Variants in PSMC1 observed in about 807,000 individuals in gnomAD.
PSMC1 encodes the protein 26S proteasome regulatory subunit 4.
PSMC1 carries 5 observed loss-of-function variants against 49.8 expected under a neutral mutation model. The ratio of observed to expected loss-of-function variants is 0.10; its 90% CI spans 0.05 to 0.21. The LOEUF (loss-of-function observed/expected upper bound fraction) is 0.21, where lower values mean the gene tolerates loss of function less well. Among genes scored for constraint, PSMC1 ranks in the 10% least tolerant of loss-of-function variants. The pLI, the probability that PSMC1 is intolerant of heterozygous loss-of-function variation, is 1.00. For synonymous variants in PSMC1, 155 were observed against 192.1 expected, an observed-to-expected ratio of 0.81 and a Z score of 1.60; for missense variants, 181 against 535.7, an observed-to-expected ratio of 0.34 and a Z score of 6.54.
chr14:90,263,192 T>A, intron 3 of PSMC1, 126 bp from the exon 4 acceptor site: 1 of 980,446 alleles, frequency 1.0e-6, no homozygotes. Flanking sequence ...TTACTTAGAG[T>A]TACCAAACTG....
At chr14:90,263,629 T>C in intron 4 of PSMC1, 33 bp from the exon 5 acceptor site, 1 of 1,604,780 alleles carries the variant, frequency 6.2e-7, no homozygotes, top group Non-Finnish European at 8.5e-7. Flanking sequence ...TGAGGTCTAG[T>C]CTGCTTTTTT....
intron 7 of PSMC1, among the ~76,000 whole-genome samples, chr14:90,266,643 A>G (rs1035370747): frequency 2.0e-5 from 3 of 152,194 alleles, no homozygotes; most frequent in African/African-American, 7.2e-5. Flanking sequence ...GCTGCGGTAC[A>G]GGGCTGGGAG....
chr14:90,261,155 GTTTTT>G (rs1891389893), intron 3 of PSMC1, among the ~76,000 whole-genome samples: 1 of 152,066 alleles, frequency 6.6e-6, no homozygotes, highest in Non-Finnish European at 1.5e-5. Context: ...CCTGCCTTAT[GTTTTT>G]TTGACTTTTG....
chr14:90,267,254 C>T (rs571878699), intron 7 of PSMC1, among the ~76,000 whole-genome samples: 3 of 151,842 alleles, frequency 2.0e-5, no homozygotes, highest in Non-Finnish European at 4.4e-5. Flanking sequence ...CTTAGCCTCT[C>T]GGGTTCAAGC....
chr14:90,268,039 T>G, intron 7 of PSMC1, 185 bp from the exon 8 acceptor site: 1 of 512,686 alleles, frequency 2.0e-6, no homozygotes, highest in Non-Finnish European at 3.4e-6. Flanking sequence ...TGTTAGTAGA[T>G]TTTTCTAAAT....
rs768485922 is a variant in PSMC1, at chr14:90,272,985, CTA to C, written c.*579_*580del. 3 of 152,170 alleles carry C rather than the reference CTA, an allele frequency of 2.0e-5. No individual in the cohort carries two copies. The highest frequency in any genetic ancestry group is 4.4e-5 in the Non-Finnish European group (3 of 68,032). The allele number at this position is 152,170 out of a possible 1,614,324, so 9.4% of individuals were successfully genotyped here. A position where few individuals can be genotyped will look rare whatever the true frequency, so the allele number is the denominator to read the frequency against. On this transcript the variant is annotated 3_prime_UTR_variant, in exon 11 of 11. Coordinates refer to ENST00000261303, the MANE Select transcript of PSMC1 (RefSeq NM_002802.3). This position sits in a 1 kb window ranked among gnomAD's most constrained non-coding sequence, Gnocchi z 4.5. ...GGTGTTCCCAAGAGACTGAGGATTC[CTA>C]GAGATATCTTGAAAGCCCTTCTGAG...
Position 90,263,856 on chromosome 14 carries a change from A to ATAC in PSMC1, c.465+11_465+12insCTA. On this transcript the variant is annotated intron_variant, in intron 5 of 10. Coordinates refer to ENST00000261303, the MANE Select transcript of PSMC1 (RefSeq NM_002802.3). ...TCCTGCTCAACCACAAGGTGAGGTG[A>ATAC]TAGTCTTTTTCAGAAAGCCCACGGA... is the stretch of plus-strand genomic sequence containing the variant. The ATAC allele has an allele frequency of 6.2e-7, 1 of 1,614,002 alleles. No individual in the cohort carries two copies. Among genetic ancestry groups the ATAC allele is most frequent in the Non-Finnish European group, 8.5e-7 (1 of 1,179,864 alleles).
chr14:90,270,083 A>C, intron 9 of PSMC1, 115 bp from the exon 10 acceptor site: 1 of 1,104,808 alleles, frequency 9.1e-7, no homozygotes, highest in Non-Finnish European at 1.3e-6. Context: ...CATCCTTCCC[A>C]CAGAATTCTG....
At position 90,270,315 on chromosome 14, in the gene PSMC1, T is replaced by C; in HGVS notation, c.1151T>C (p.Ile384Thr). The change falls in exon 10 of 11, where the codon ATC (isoleucine) becomes ACC (threonine). Residue 384 changes from isoleucine to threonine, a missense_variant. Physicochemically the swap from Ile to Thr is moderately conservative, Grantham distance 89 (BLOSUM62 -1). Around this residue, in one of 3 missense-constraint regions of PSMC1, gnomAD observed 60 missense variants for 155.5 expected, o/e 0.39. Transcript: ENST00000261303. ...GATGATGTAACCCTGGACGACCTGA[T>C]CATGGCTAAAGATGACCTCTCTGGT... ...LADDVTLDDLIMAKDDLSGAD... is the reference protein window; with the variant it reads ...LADDVTLDDLTMAKDDLSGAD... 6.2e-7 allele frequency: 1 copy of C among 1,613,608 alleles called. No homozygotes were observed. Among genetic ancestry groups the C allele is most frequent in the Non-Finnish European group, 8.5e-7 (1 of 1,179,920 alleles).
intron 7 of PSMC1, chr14:90,267,442 A>G (rs1161815341): frequency 1.3e-5 from 2 of 152,316 alleles, no homozygotes; most frequent in African/African-American, 4.8e-5. Flanking sequence ...GGCGTGAGCC[A>G]CCGCGCCTGG....
rs551469786 is a variant in PSMC1, at chr14:90,273,070, C to T, written c.*663C>T. ...GTGTTCAGAAACATGTCAGAACTTCCCCTTCCCTTTCTCCGTCTATTTCCG... is the reference window on the plus strand; with the variant it reads ...GTGTTCAGAAACATGTCAGAACTTCTCCTTCCCTTTCTCCGTCTATTTCCG... On this transcript the variant is annotated 3_prime_UTR_variant, in exon 11 of 11. Transcript: ENST00000261303. 1 of 152,296 alleles carries T rather than the reference C, an allele frequency of 6.6e-6. No homozygotes were observed. Among genetic ancestry groups the T allele is most frequent in the Non-Finnish European group, 1.5e-5 (1 of 68,058 alleles). 9.4% of individuals were successfully genotyped at this position (152,296 alleles called of 1,614,324 possible).
rs549388992 is a variant in PSMC1 at position 90,272,997 on chromosome 14, T to C, written c.*590T>C. The C allele has an allele frequency of 6.6e-6, 1 of 152,338 alleles. No individual in the cohort carries two copies. The highest frequency in any genetic ancestry group is 2.1e-4 in the South Asian group (1 of 4,826). 9.4% of individuals were successfully genotyped at this position (152,338 alleles called of 1,614,324 possible). A position where few individuals can be genotyped will look rare whatever the true frequency, so the allele number is the denominator to read the frequency against. On this transcript the variant is annotated 3_prime_UTR_variant, in exon 11 of 11. Coordinates refer to ENST00000261303, the MANE Select transcript of PSMC1 (RefSeq NM_002802.3). This position sits in a 1 kb window ranked among gnomAD's most constrained non-coding sequence, Gnocchi z 4.5. The stretch of plus-strand genomic sequence containing the variant: ...AGACTGAGGATTCCTAGAGATATCT[T>C]GAAAGCCCTTCTGAGCCCTTGGGCT...
intron 5 of PSMC1, 66 bp downstream of exon 5, chr14:90,263,913 C>T (rs1257524165): frequency 1.3e-6 from 2 of 1,599,534 alleles, no homozygotes; most frequent in East Asian, 2.2e-5. Context: ...GGTTCATCTT[C>T]CTGTCCCGTG....
chr14:90,261,022 TTATAA>T (rs1157512813), intron 3 of PSMC1, among the ~76,000 whole-genome samples: 1 of 152,168 alleles, frequency 6.6e-6, no homozygotes, highest in Non-Finnish European at 1.5e-5. Context: ...AAGCCTGAAG[TTATAA>T]TAAAATTTTT....
chr14:90,270,017 T>C, intron 9 of PSMC1, 181 bp from the exon 10 acceptor site: 1 of 616,318 alleles, frequency 1.6e-6, no homozygotes, highest in Non-Finnish European at 2.7e-6. Context: ...TGAAGAGAAT[T>C]CAAATGTAGA....
intron 7 of PSMC1, chr14:90,268,022 C>A: frequency 2.0e-6 from 1 of 491,278 alleles, no homozygotes; most frequent in Middle Eastern, 5.3e-4. Context: ...TAAGGATAAT[C>A]CAAACATGTT....
chr14:90,263,180 G>A, intron 3 of PSMC1, 138 bp from the exon 4 acceptor site: 1 of 841,390 alleles, frequency 1.2e-6, no homozygotes, highest in Non-Finnish European at 1.8e-6. Flanking sequence ...TTTGGCACCG[G>A]TTTACTTAGA....
chr14:90,257,555 T>C (rs991156597), intron 1 of PSMC1, among the ~76,000 whole-genome samples: 1 of 152,320 alleles, frequency 6.6e-6, no homozygotes, highest in Admixed American at 6.5e-5. Context: ...ATGTTTAACC[T>C]GTATCATGAA....
chr14:90,271,060 A>ATTTTGT (rs150233105), intron 10 of PSMC1: 2 of 151,656 alleles, frequency 1.3e-5, no homozygotes, highest in East Asian at 3.9e-4. Flanking sequence ...AGATCTTAAA[A>ATTTTGT]TTTTAAGATA....
Sources: allele counts gnomAD v4.1 joint callset (sites outside exome capture counted in the v4.1 genomes callset), GRCh38; gene constraint gnomAD v4.1.1; regional missense constraint gnomAD v4.1.1; non-coding constraint Gnocchi (gnomAD v3.1); transcripts MANE v1.5; gene names NCBI Gene and HGNC (gene_info 2026-07-23, HGNC 2026-07-21).